AKAP7: variants seen among roughly 807,000 people sequenced by gnomAD.
The protein encoded by AKAP7 is A-kinase anchoring protein 7.
Under a neutral mutation model 39.5 loss-of-function variants are expected in AKAP7, and 39 were observed. The ratio of observed to expected loss-of-function variants is 0.99; its 90% confidence interval spans 0.76 to 1.29. AKAP7 has a LOEUF of 1.29. Ranked by LOEUF, AKAP7 falls within the 50% of genes most tolerant of loss-of-function variation. The pLI is 0.00. For missense variants in AKAP7, 414 were observed against 407.7 expected (o/e 1.02, Z -0.13); for synonymous variants, 140 against 139.1 (o/e 1.01, Z -0.05).
chr6:131,240,875 C>G (rs1173245312), intron 7 of AKAP7, among the ~76,000 whole-genome samples: 2 of 152,162 alleles, frequency 1.3e-5, no homozygotes, highest in Non-Finnish European at 2.9e-5. Flanking sequence ...GATGCCTTGC[C>G]CTGCTTCAGC....
At chr6:131,185,094 G>T (rs1327817964) in intron 5 of AKAP7, 2 of 671,794 alleles carry the variant, frequency 3.0e-6, no homozygotes, top group Non-Finnish European at 5.7e-6. Context: ...GGGATCTGGG[G>T]TACCTCGCTT....
intron 7 of AKAP7, among the ~76,000 whole-genome samples, chr6:131,225,888 A>C (rs11755717): frequency 6.6e-6 from 1 of 152,012 alleles, no homozygotes; most frequent in Admixed American, 6.6e-5. Flanking sequence ...TTACTGTGTG[A>C]CTCAGAAATC....
chr6:131,232,905 A>G (rs906728369), intron 7 of AKAP7, among the ~76,000 whole-genome samples: 1 of 150,328 alleles, frequency 6.7e-6, no homozygotes, highest in Non-Finnish European at 1.5e-5. Context: ...TCTATTATTT[A>G]TTATTATTAT....
At chr6:131,153,845 A>G (rs1802160845) in intron 2 of AKAP7, among the ~76,000 whole-genome samples, 1 of 152,172 alleles carries the variant, frequency 6.6e-6, no homozygotes, top group Non-Finnish European at 1.5e-5. Context: ...TCATAAAACA[A>G]TACTTATACT....
chr6:131,199,347 G>A (rs1807286163), intron 5 of AKAP7, 114 bp from the exon 6 acceptor site: 2 of 693,074 alleles, frequency 2.9e-6, no homozygotes, highest in Non-Finnish European at 4.8e-6. Flanking sequence ...GGTGTATAAA[G>A]TAATCTTCAC....
At chr6:131,245,102 T>C (rs1811891587) in intron 7 of AKAP7, among the ~76,000 whole-genome samples, 1 of 152,194 alleles carries the variant, frequency 6.6e-6, no homozygotes. Flanking sequence ...GATAAAGTTT[T>C]TTCGGTTGTG....
upstream of AKAP7, among the ~76,000 whole-genome samples, chr6:131,135,412 C>A (rs1356150349): frequency 1.3e-5 from 2 of 151,794 alleles, no homozygotes; most frequent in Non-Finnish European, 3.0e-5. Flanking sequence ...TGCCCGAGCG[C>A]GTCCGCGCCT....
intron 7 of AKAP7, among the ~76,000 whole-genome samples, chr6:131,239,449 T>G (rs4596509): frequency 0.37 from 55,987 of 151,934 alleles, 10,479 homozygotes; most frequent in African/African-American, 0.43. Context: ...TTTGAATATT[T>G]GCTTGCCTTG....
At chr6:131,267,027 A>G (rs943253595) in intron 7 of AKAP7, among the ~76,000 whole-genome samples, 1 of 151,630 alleles carries the variant, frequency 6.6e-6, no homozygotes, top group Non-Finnish European at 1.5e-5. Context: ...AATAATTAGA[A>G]AAATTCACAG....
chr6:131,242,281 T>C (rs1331665986), intron 7 of AKAP7: 24 of 771,692 alleles, frequency 3.1e-5, no homozygotes, highest in Non-Finnish European at 3.6e-5. Context: ...CTGCCAAATA[T>C]GTGTTCATTG....
intron 4 of AKAP7, among the ~76,000 whole-genome samples, chr6:131,168,368 C>T (rs892536253): frequency 6.6e-6 from 1 of 151,866 alleles, no homozygotes; most frequent in African/African-American, 2.4e-5. Flanking sequence ...GCTGTGATCA[C>T]ACCACTGCAC....
At chr6:131,261,689 C>A (rs74486762) in intron 7 of AKAP7, among the ~76,000 whole-genome samples, 1 of 152,092 alleles carries the variant, frequency 6.6e-6, no homozygotes, top group South Asian at 2.1e-4. Context: ...TCATGAAATA[C>A]GCATTTTTTT....
chr6:131,246,255 C>A (rs1023845188), intron 7 of AKAP7, among the ~76,000 whole-genome samples: 1 of 152,066 alleles, frequency 6.6e-6, no homozygotes, highest in African/African-American at 2.4e-5. Flanking sequence ...AGCTGCCACC[C>A]ACCTCATACT....
chr6:131,261,235 A>AAATT (rs1813303287), intron 7 of AKAP7, among the ~76,000 whole-genome samples: 1 of 151,770 alleles, frequency 6.6e-6, no homozygotes, highest in East Asian at 1.9e-4. Flanking sequence ...AGAATATTTT[A>AAATT]AATTAATGGC....
At chr6:131,225,670 T>C (rs1210721355) in intron 7 of AKAP7, among the ~76,000 whole-genome samples, 1 of 152,148 alleles carries the variant, frequency 6.6e-6, no homozygotes, top group Non-Finnish European at 1.5e-5. Context: ...TAGTTTTTTT[T>C]GTTTTTGTTT....
chr6:131,155,534 T>A (rs1802342677), intron 2 of AKAP7, among the ~76,000 whole-genome samples: 1 of 152,224 alleles, frequency 6.6e-6, no homozygotes, highest in Admixed American at 6.5e-5. Context: ...AATGGTGATA[T>A]TCTAACTATC....
chr6:131,172,274 A>G (rs1358908990), intron 5 of AKAP7, among the ~76,000 whole-genome samples: 1 of 152,200 alleles, frequency 6.6e-6, no homozygotes, highest in African/African-American at 2.4e-5. Flanking sequence ...TAAATCAACT[A>G]AAGGATATGC....
chr6:131,193,509 G>A (rs1173332658), intron 5 of AKAP7, among the ~76,000 whole-genome samples: 1 of 152,036 alleles, frequency 6.6e-6, no homozygotes, highest in Non-Finnish European at 1.5e-5. Context: ...ATATTGGCCT[G>A]TAGTTTTCTT....
At chr6:131,177,758 C>T (rs76900073) in intron 5 of AKAP7, among the ~76,000 whole-genome samples, 10,650 of 152,248 alleles carry the variant, frequency 0.07, 522 homozygotes, top group Middle Eastern at 0.15. Context: ...CAAATCCAAC[C>T]AGTCTGATTC....
Sources: allele counts gnomAD v4.1 joint callset (sites outside exome capture counted in the v4.1 genomes callset), GRCh38; gene constraint gnomAD v4.1.1; transcripts MANE v1.5; gene names NCBI Gene and HGNC (gene_info 2026-07-23, HGNC 2026-07-21).